SHROOM2: variants seen among roughly 807,000 people sequenced by gnomAD.
SHROOM2 encodes protein Shroom2.
SHROOM2 carries 33 observed loss-of-function variants against 75.9 expected under a neutral mutation model. That is an observed-to-expected ratio of 0.43 (90% CI 0.33 to 0.58). The LOEUF is 0.58. Among genes scored for constraint, SHROOM2 ranks in the 20% least tolerant of loss-of-function variants. The pLI, the probability that SHROOM2 is intolerant of heterozygous loss-of-function variation, is 0.04. For synonymous variants in SHROOM2, 655 were observed against 663.6 expected (o/e 0.99, Z 0.20); for missense variants, 1,434 against 1,461.2 (o/e 0.98, Z 0.30).
chrX:9,920,721 G>A (rs1334214371), intron 5 of SHROOM2, among the ~76,000 whole-genome samples: 1 of 112,036 alleles, frequency 8.9e-6, no homozygotes, highest in Non-Finnish European at 1.9e-5. Flanking sequence ...TTAGGGTACT[G>A]ATTGTGCCCA....
At chrX:9,855,721 C>G (rs940660450) in intron 1 of SHROOM2, among the ~76,000 whole-genome samples, 10 of 111,949 alleles carry the variant, frequency 8.9e-5, no homozygotes, top group African/African-American at 3.2e-4. Context: ...TGAACCCATC[C>G]TTGACTTGTA....
At chrX:9,873,859 TC>T in intron 2 of SHROOM2, 56 bp downstream of exon 2, 1 of 1,155,463 alleles carries the variant, frequency 8.7e-7, no homozygotes, top group East Asian at 3.0e-5. Flanking sequence ...GAGTGGAACA[TC>T]AAAGTGGGAA....
At chrX:9,792,016 GAATA>G (rs2083654260) in intron 1 of SHROOM2, among the ~76,000 whole-genome samples, 1 of 17 alleles carries the variant, frequency 0.059, no homozygotes, top group Admixed American at 0.5. Context: ...GAATAGAATA[GAATA>G]GAATAGAATA....
chrX:9,822,294 T>G (rs2083857268), intron 1 of SHROOM2, among the ~76,000 whole-genome samples: 1 of 110,322 alleles, frequency 9.1e-6, no homozygotes, highest in African/African-American at 3.3e-5. Flanking sequence ...AGCCTGCAGG[T>G]TAGGGGAAGG....
intron 1 of SHROOM2, among the ~76,000 whole-genome samples, chrX:9,836,851 T>G (rs757440077): frequency 8.0e-5 from 9 of 112,117 alleles, no homozygotes; most frequent in African/African-American, 2.3e-4. Context: ...CAAAAGATTC[T>G]TTTTATTCCT....
intron 1 of SHROOM2, among the ~76,000 whole-genome samples, chrX:9,860,304 A>G (rs777300872): frequency 8.9e-5 from 10 of 112,197 alleles, no homozygotes; most frequent in Non-Finnish European, 1.9e-4. Flanking sequence ...TCTATTGGAC[A>G]TTTGGGTAAA....
At position 9,937,138 on chromosome X, in the gene SHROOM2, G is replaced by A. The variant is rs1452466790; in HGVS notation, c.3592G>A (p.Glu1198Lys). The A allele has an allele frequency of 1.7e-6, 2 of 1,189,837 alleles. No homozygotes were observed. The highest frequency in any genetic ancestry group is 4.7e-5 in the Admixed American group (2 of 42,938). ...LIQDEDSTRI[E>K]RVMDNNTTVK... ...AGCAGACTGTTCATCTTCCAGAATTGAGCGGGTGATGGACAACAACACCAC... is the reference window on the plus strand; with the variant it reads ...AGCAGACTGTTCATCTTCCAGAATTAAGCGGGTGATGGACAACAACACCAC... The change falls in exon 7 of 10, where the codon GAG becomes AAG. Residue 1198 changes from glutamate to lysine, a missense_variant. By Grantham distance (56) the Glu-to-Lys change is moderately conservative. Around this residue, in one of 3 missense-constraint regions of SHROOM2, gnomAD observed 1,340 missense variants for 1,338.3 expected, o/e 1.00. Transcript: ENST00000380913.
intron 1 of SHROOM2, among the ~76,000 whole-genome samples, chrX:9,792,024 T>A (rs753219064): frequency 0.46 from 152 of 333 alleles, 12 homozygotes; most frequent in African/African-American, 0.57. Context: ...TAGAATAGAA[T>A]AGAATAGAAT....
chrX:9,874,668 ATT>A, intron 2 of SHROOM2: 1 of 111,337 alleles, frequency 9.0e-6, no homozygotes, highest in Non-Finnish European at 1.9e-5. Flanking sequence ...GTTGTGACTA[ATT>A]ATTTGTAAAC....
chrX:9,929,860 C>T (rs1037692497), intron 5 of SHROOM2, among the ~76,000 whole-genome samples: 2 of 111,211 alleles, frequency 1.8e-5, no homozygotes, highest in Non-Finnish European at 3.8e-5. Flanking sequence ...CTGGTCTTTC[C>T]CCTGCTATTC....
chrX:9,815,131 A>G (rs1216539078), intron 1 of SHROOM2, among the ~76,000 whole-genome samples: 1 of 111,620 alleles, frequency 9.0e-6, no homozygotes, highest in Non-Finnish European at 1.9e-5. Flanking sequence ...GGTCAAAGGT[A>G]TTATGTATAG....
chrX:9,804,248 C>CT (rs200941325), intron 1 of SHROOM2, among the ~76,000 whole-genome samples: 1,699 of 111,336 alleles, frequency 0.015, 32 homozygotes, highest in African/African-American at 0.052. Context: ...TCCCAGGACT[C>CT]TGAGTCTCAA....
intron 1 of SHROOM2, chrX:9,865,393 C>T (rs1006423645): frequency 8.2e-5 from 9 of 110,091 alleles, no homozygotes; most frequent in Non-Finnish European, 1.7e-4. Context: ...AGGTTTCTTT[C>T]CCTCCTGCTT....
chrX:9,944,247 TAA>T (rs112443407), intron 8 of SHROOM2, among the ~76,000 whole-genome samples: 2,979 of 111,974 alleles, frequency 0.027, 107 homozygotes, highest in African/African-American at 0.091. Context: ...GTGCTGGACA[TAA>T]GACTCACTAC....
chrX:9,917,360 T>C (rs1221006905), intron 5 of SHROOM2, among the ~76,000 whole-genome samples: 9 of 111,947 alleles, frequency 8.0e-5, no homozygotes, highest in Non-Finnish European at 1.9e-5. Context: ...GTTGTGTGTT[T>C]GTTCTCCTGC....
chrX:9,789,022 T>TGAA (rs2146718757), intron 1 of SHROOM2, among the ~76,000 whole-genome samples: 1 of 111,856 alleles, frequency 8.9e-6, no homozygotes, highest in Admixed American at 9.5e-5. Flanking sequence ...AGACTGGCCT[T>TGAA]TAGGGTGGTG....
intron 1 of SHROOM2, among the ~76,000 whole-genome samples, chrX:9,857,417 C>A (rs2084077510): frequency 9.2e-6 from 1 of 108,228 alleles, no homozygotes. Context: ...TGGAATCTTG[C>A]TCTGTCGCCC....
intron 9 of SHROOM2, among the ~76,000 whole-genome samples, chrX:9,945,268 C>T (rs1781725466): frequency 9.1e-6 from 1 of 110,128 alleles, no homozygotes; most frequent in African/African-American, 3.3e-5. Context: ...GCCACCATGC[C>T]TGGCTAATTT....
At chrX:9,910,949 G>A (rs891176906) in intron 5 of SHROOM2, among the ~76,000 whole-genome samples, 2 of 110,878 alleles carry the variant, frequency 1.8e-5, no homozygotes, top group Non-Finnish European at 3.8e-5. Context: ...TCCCAAAAGT[G>A]CTGGGGTTAT....
Sources: allele counts gnomAD v4.1 joint callset (sites outside exome capture counted in the v4.1 genomes callset), GRCh38; gene constraint gnomAD v4.1.1; regional missense constraint gnomAD v4.1.1; transcripts MANE v1.5; gene names NCBI Gene and HGNC (gene_info 2026-07-23, HGNC 2026-07-21).